Variants in VPS37A observed in about 807,000 individuals in gnomAD.
VPS37A encodes the protein vacuolar protein sorting-associated protein 37A.
In VPS37A, 30 loss-of-function variants were observed where a neutral mutation model predicts 49.8. The observed-to-expected ratio is 0.60, with a 90% CI of 0.45 to 0.82. The LOEUF (loss-of-function observed/expected upper bound fraction) is 0.82, where lower values mean the gene tolerates loss of function less well. VPS37A is among the 40% of genes least tolerant of loss of function. The pLI, the probability that VPS37A is intolerant of heterozygous loss-of-function variation, is 0.00. For missense variants in VPS37A, 593 were observed against 464.4 expected, an observed-to-expected ratio of 1.28 and a Z score of -2.55; for synonymous variants, 195 against 160.6, an observed-to-expected ratio of 1.21 and a Z score of -1.62.
intron 9 of VPS37A, among the ~76,000 whole-genome samples, chr8:17,282,017 TA>T (rs1315595822): frequency 1.1e-4 from 16 of 152,098 alleles, no homozygotes; most frequent in African/African-American, 2.2e-4. Context: ...ATGCCAAGAA[TA>T]TTTTTTTTAT....
chr8:17,272,942 G>C (rs1445683136), intron 4 of VPS37A, among the ~76,000 whole-genome samples: 1 of 138,252 alleles, frequency 7.2e-6, no homozygotes, highest in African/African-American at 2.7e-5. Context: ...TTCCTGAGCT[G>C]TTTTATTCAT....
chr8:17,309,354 G>C, the VPS37A span: 2 of 1,488,696 alleles, frequency 1.3e-6, no homozygotes, highest in Non-Finnish European at 1.9e-6. Flanking sequence ...CAAATATCTT[G>C]GAGAGAAGCA....
the VPS37A span, chr8:17,311,628 T>C: frequency 6.2e-7 from 1 of 1,614,054 alleles, no homozygotes; most frequent in Non-Finnish European, 8.5e-7. Flanking sequence ...CCCCTTCCTC[T>C]GACACTGCCT....
At chr8:17,287,605 G>GA (rs1815730121) in intron 11 of VPS37A, among the ~76,000 whole-genome samples, 2 of 151,792 alleles carry the variant, frequency 1.3e-5, no homozygotes, top group Admixed American at 6.6e-5. Flanking sequence ...ATGAACCTGG[G>GA]AGGCAGACCT....
chr8:17,286,451 T>C, intron 11 of VPS37A, 24 bp downstream of exon 11: 1 of 1,602,578 alleles, frequency 6.2e-7, no homozygotes, highest in Non-Finnish European at 8.5e-7. Flanking sequence ...CAAGTTTGAG[T>C]CTCAAGGTGA....
downstream of VPS37A, chr8:17,298,613 A>T (rs1297856904): frequency 6.6e-6 from 1 of 152,552 alleles, no homozygotes; most frequent in Non-Finnish European, 1.5e-5. Context: ...TCACATATTC[A>T]AAATATTGAT....
chr8:17,282,777 TC>T (rs1288357373), intron 9 of VPS37A, among the ~76,000 whole-genome samples: 2 of 151,974 alleles, frequency 1.3e-5, no homozygotes, highest in African/African-American at 4.8e-5. Flanking sequence ...AAACAATGAT[TC>T]CTAGGCTTCT....
the VPS37A span, among the ~76,000 whole-genome samples, chr8:17,316,293 ATATT>A: frequency 2.0e-5 from 3 of 152,044 alleles, no homozygotes; most frequent in East Asian, 1.9e-4. Context: ...ATTTACATAT[ATATT>A]ATAGTCTGCA....
downstream of VPS37A, chr8:17,299,814 G>C (rs1263843264): frequency 2.5e-6 from 4 of 1,591,158 alleles, no homozygotes; most frequent in African/African-American, 4.1e-5. Context: ...CCTTGTTTTT[G>C]GAAGTGTTGC....
chr8:17,285,423 A>G (rs765322687), intron 10 of VPS37A, among the ~76,000 whole-genome samples: 1 of 152,060 alleles, frequency 6.6e-6, no homozygotes, highest in Non-Finnish European at 1.5e-5. Context: ...TTCTGTTCTG[A>G]TATTTCTGTT....
At chr8:17,256,534 G>T (rs571060882) in intron 1 of VPS37A, among the ~76,000 whole-genome samples, 4 of 151,622 alleles carry the variant, frequency 2.6e-5, no homozygotes, top group African/African-American at 9.7e-5. Flanking sequence ...CATGTATTCG[G>T]TAGTTAATCC....
At chr8:17,331,133 A>T in the VPS37A span, 3 of 1,607,312 alleles carry the variant, frequency 1.9e-6, no homozygotes, top group Non-Finnish European at 2.5e-6. Context: ...AATGCTGTGC[A>T]TAAGGAAATG....
At chr8:17,315,392 G>A in the VPS37A span, among the ~76,000 whole-genome samples, 3 of 128,580 alleles carry the variant, frequency 2.3e-5, no homozygotes, top group East Asian at 2.3e-4. Flanking sequence ...AGAAAACTAC[G>A]ACAGTGGTTA....
chr8:17,291,186 T>C (rs1816115089), intron 11 of VPS37A, among the ~76,000 whole-genome samples: 1 of 152,162 alleles, frequency 6.6e-6, no homozygotes, highest in African/African-American at 2.4e-5. Context: ...CTAATTTTTG[T>C]ATTTTTAGTA....
intron 1 of VPS37A, among the ~76,000 whole-genome samples, chr8:17,253,801 T>G (rs1366352288): frequency 6.6e-6 from 1 of 152,230 alleles, no homozygotes; most frequent in African/African-American, 2.4e-5. Flanking sequence ...AACACAGATT[T>G]CGAAAACAAA....
At chr8:17,293,383 T>C (rs1586089238) in intron 11 of VPS37A, among the ~76,000 whole-genome samples, 2 of 152,080 alleles carry the variant, frequency 1.3e-5, no homozygotes, top group African/African-American at 4.8e-5. Context: ...GGTTCTTAGC[T>C]TCCTTGCATT....
downstream of VPS37A, chr8:17,302,398 C>T (rs1204659625): frequency 2.0e-5 from 24 of 1,221,812 alleles, no homozygotes; most frequent in Non-Finnish European, 2.6e-5. Context: ...ATGCAAATTT[C>T]AGCCTCAAAA....
downstream of VPS37A, chr8:17,298,347 CTTTA>C (rs1291710757): frequency 3.9e-5 from 6 of 151,996 alleles, no homozygotes; most frequent in Non-Finnish European, 4.4e-5. Context: ...ATTACACTTG[CTTTA>C]TTTTTTACAT....
the VPS37A span, among the ~76,000 whole-genome samples, chr8:17,333,032 A>G: frequency 2.6e-5 from 4 of 152,282 alleles, no homozygotes; most frequent in South Asian, 8.3e-4. Context: ...GTATATTAGA[A>G]GTGAAAAAAA....
Sources: allele counts gnomAD v4.1 joint callset (sites outside exome capture counted in the v4.1 genomes callset), GRCh38; gene constraint gnomAD v4.1.1; transcripts MANE v1.5; gene names NCBI Gene and HGNC (gene_info 2026-07-23, HGNC 2026-07-21).